Variants in BMPR1B observed in about 807,000 individuals in gnomAD.
The protein encoded by BMPR1B is bone morphogenetic protein receptor type-1B.
In BMPR1B, 12 loss-of-function variants were observed where a neutral mutation model predicts 59.1. The ratio of observed to expected loss-of-function variants is 0.20; its 90% CI spans 0.13 to 0.33. The LOEUF is 0.33. Among genes scored for constraint, BMPR1B ranks in the 10% least tolerant of loss-of-function variants. The probability of loss-of-function intolerance (pLI) is 1.00; values close to 1 mark genes in which losing one functional copy is unlikely to be tolerated. For synonymous variants in BMPR1B, 237 were observed against 207.3 expected (o/e 1.14, Z -1.23); for missense variants, 550 against 610.9 (o/e 0.90, Z 1.05).
intron 3 of BMPR1B, among the ~76,000 whole-genome samples, chr4:95,004,372 C>T (rs1026925270): frequency 3.9e-5 from 6 of 152,042 alleles, no homozygotes; most frequent in South Asian, 2.1e-4. Flanking sequence ...TATAGCCCTG[C>T]CCTAGAACAT....
intron 2 of BMPR1B, among the ~76,000 whole-genome samples, chr4:94,909,546 AC>A (rs1217918293): frequency 2.6e-5 from 4 of 152,070 alleles, no homozygotes; most frequent in African/African-American, 9.7e-5. Context: ...AGTGCATAGA[AC>A]AATCCCCAGC....
At chr4:95,072,306 C>T (rs1032474385) in intron 3 of BMPR1B, among the ~76,000 whole-genome samples, 4 of 152,182 alleles carry the variant, frequency 2.6e-5, no homozygotes, top group Admixed American at 6.5e-5. Flanking sequence ...GACACCCTCA[C>T]TTACATAAAC....
At chr4:94,777,447 A>G (rs1722417740) in intron 1 of BMPR1B, among the ~76,000 whole-genome samples, 1 of 152,200 alleles carries the variant, frequency 6.6e-6, no homozygotes, top group South Asian at 2.1e-4. Context: ...ATTACATTAT[A>G]AAAGAAATGC....
At chr4:94,989,952 A>G (rs1721635270) in intron 2 of BMPR1B, among the ~76,000 whole-genome samples, 1 of 152,272 alleles carries the variant, frequency 6.6e-6, no homozygotes, top group Non-Finnish European at 1.5e-5. Flanking sequence ...TGCAGATTAA[A>G]GTCACAGTGA....
chr4:95,076,754 A>G (rs1011166962), intron 3 of BMPR1B, among the ~76,000 whole-genome samples: 2 of 152,116 alleles, frequency 1.3e-5, no homozygotes, highest in African/African-American at 2.4e-5. Flanking sequence ...AGAGTAAAAT[A>G]TATAACACAG....
chr4:95,084,765 C>G (rs1414160306), intron 3 of BMPR1B, among the ~76,000 whole-genome samples: 1 of 152,174 alleles, frequency 6.6e-6, no homozygotes, highest in East Asian at 1.9e-4. Context: ...TAAGTCTTTT[C>G]CATAATCTAA....
At chr4:95,077,096 G>A (rs1728768983) in intron 3 of BMPR1B, among the ~76,000 whole-genome samples, 1 of 152,108 alleles carries the variant, frequency 6.6e-6, no homozygotes, top group East Asian at 1.9e-4. Context: ...CATTGGTTAG[G>A]GACAGGTATA....
At chr4:94,815,666 G>A (rs1221254922) in intron 1 of BMPR1B, among the ~76,000 whole-genome samples, 2 of 152,194 alleles carry the variant, frequency 1.3e-5, no homozygotes, top group African/African-American at 4.8e-5. Context: ...GTGGCTAGAT[G>A]TGTTAGCTTG....
chr4:94,959,689 A>G (rs1730282171), intron 2 of BMPR1B, among the ~76,000 whole-genome samples: 1 of 152,142 alleles, frequency 6.6e-6, no homozygotes. Flanking sequence ...AAGTTAATTT[A>G]CTTCACAGAG....
chr4:94,913,757 C>T (rs1197739544), intron 2 of BMPR1B, among the ~76,000 whole-genome samples: 10 of 152,018 alleles, frequency 6.6e-5, no homozygotes, highest in Non-Finnish European at 4.4e-5. Flanking sequence ...GTTTATGTTT[C>T]AGTGAAGCAT....
chr4:94,781,584 G>A (rs1013751111), intron 1 of BMPR1B, among the ~76,000 whole-genome samples: 1 of 151,938 alleles, frequency 6.6e-6, no homozygotes. Context: ...GCTAATTTTT[G>A]TATTTTTAGT....
At chr4:94,937,507 T>C (rs1016025138) in intron 2 of BMPR1B, among the ~76,000 whole-genome samples, 26 of 152,186 alleles carry the variant, frequency 1.7e-4, no homozygotes, top group Non-Finnish European at 7.3e-5. Flanking sequence ...ATAAATAAAC[T>C]GACTCCTGCT....
intron 2 of BMPR1B, among the ~76,000 whole-genome samples, chr4:94,953,870 C>T (rs1012886038): frequency 1.3e-5 from 2 of 152,140 alleles, no homozygotes; most frequent in Admixed American, 6.6e-5. Context: ...TGGTTCCATT[C>T]TCCACATCAC....
chr4:95,101,010 T>G (rs1254580073), intron 3 of BMPR1B, among the ~76,000 whole-genome samples: 1 of 152,140 alleles, frequency 6.6e-6, no homozygotes, highest in Non-Finnish European at 1.5e-5. Flanking sequence ...TAGTGGCTCA[T>G]GTGTATGAGA....
At chr4:95,037,702 A>C (rs1725360022) in intron 3 of BMPR1B, among the ~76,000 whole-genome samples, 1 of 152,196 alleles carries the variant, frequency 6.6e-6, no homozygotes, top group African/African-American at 2.4e-5. Context: ...AGGTAGAGAA[A>C]CCAGAGGGCA....
chr4:95,077,030 G>A (rs1477316607), intron 3 of BMPR1B, among the ~76,000 whole-genome samples: 1 of 152,046 alleles, frequency 6.6e-6, no homozygotes, highest in Non-Finnish European at 1.5e-5. Context: ...TTAGAAGGCA[G>A]CAGTGCAAAC....
chr4:94,840,857 A>G (rs1306137948), intron 1 of BMPR1B, among the ~76,000 whole-genome samples: 2 of 147,758 alleles, frequency 1.4e-5, no homozygotes, highest in African/African-American at 5.0e-5. Flanking sequence ...TGGAGTTTCC[A>G]GTTTTTCTGT....
intron 2 of BMPR1B, among the ~76,000 whole-genome samples, chr4:94,932,444 A>G (rs943491193): frequency 6.6e-6 from 1 of 152,198 alleles, no homozygotes; most frequent in Non-Finnish European, 1.5e-5. Flanking sequence ...ACTTTAAAAA[A>G]GTTGGCAATG....
At chr4:94,920,609 T>G (rs1018135441) in intron 2 of BMPR1B, among the ~76,000 whole-genome samples, 3 of 152,136 alleles carry the variant, frequency 2.0e-5, no homozygotes, top group African/African-American at 7.2e-5. Context: ...AGTGAGGAGT[T>G]GTCAAACACA....
Sources: allele counts gnomAD v4.1 joint callset (sites outside exome capture counted in the v4.1 genomes callset), GRCh38; gene constraint gnomAD v4.1.1; transcripts MANE v1.5; gene names NCBI Gene and HGNC (gene_info 2026-07-23, HGNC 2026-07-21).